The following INTS1 variants were observed in gnomAD, a reference collection of about 807,000 sequenced individuals.
INTS1 encodes integrator complex subunit 1.
In INTS1, 137 loss-of-function variants were observed where a neutral mutation model predicts 241.6. The observed-to-expected ratio is 0.57, with a 90% CI of 0.49 to 0.65. The LOEUF is 0.65. Among genes scored for constraint, INTS1 ranks in the 30% least tolerant of loss-of-function variants. The probability of loss-of-function intolerance (pLI) is 0.00; values close to 1 mark genes in which losing one functional copy is unlikely to be tolerated. For missense variants in INTS1, 3,073 were observed against 3,032.2 expected (o/e 1.01, Z -0.32); for synonymous variants, 1,692 against 1,337.8 (o/e 1.26, Z -5.78).
Position 1,476,388 on chromosome 7 carries a change from AGGAT to A in INTS1, c.5215_5218del (p.Ile1739TrpfsTer40). 6.3e-7 allele frequency: 1 copy of A among 1,577,920 alleles called. No individual in the cohort carries two copies. The highest frequency in any genetic ancestry group is 8.6e-7 in the Non-Finnish European group (1 of 1,167,232). ...CTGGCTCCGCGTCTCCGCCTCGGCC[AGGAT>A]CAGCTCCACCAGGCTGATGAGCTCC... is the stretch of plus-strand genomic sequence containing the variant. On this transcript the variant is annotated frameshift_variant, in exon 38 of 48. Coordinates refer to ENST00000404767, the MANE Select transcript of INTS1 (RefSeq NM_001080453.3). LOFTEE classifies it high-confidence loss of function.
chr7:1,486,434 T>C lies in INTS1; in HGVS notation c.2976+191A>G, dbSNP rs10281063. Among the ~76,000 whole-genome samples the C allele has an allele frequency of 2.5e-3, 387 of 151,910 alleles. 3 individuals carry two copies. Among genetic ancestry groups the C allele is most frequent in the African/African-American group, 8.8e-3 (365 of 41,382 alleles). ...CCCCTCCACCACGCCCAGCTAATTT[T>C]TTCTATTTTTAATAGAGACGGGATT... On this transcript the variant is annotated intron_variant, in intron 22 of 47. Transcript: ENST00000404767.
At chr7:1,474,130 T>G (rs759832208) in intron 41 of INTS1, 38 bp downstream of exon 41, 10 of 1,521,388 alleles carry the variant, frequency 6.6e-6, no homozygotes, top group Non-Finnish European at 7.9e-6. Context: ...GCAGAGGGAG[T>G]GGAAGGGAGC....
In INTS1 at chr7:1,482,498, G is replaced by A. The variant is rs115626042; in HGVS notation, c.3703+48C>T. ...CCCACAAGGAGCAGGCAAGGGGCCCGGGACCCCTGAGTCAGCAGCCCCTGC... is the reference window on the plus strand; with the variant it reads ...CCCACAAGGAGCAGGCAAGGGGCCCAGGACCCCTGAGTCAGCAGCCCCTGC... On this transcript the variant is annotated intron_variant, in intron 27 of 47. Coordinates refer to ENST00000404767, the MANE Select transcript of INTS1 (RefSeq NM_001080453.3). 10,543 of 1,546,210 alleles carry A rather than the reference G, an allele frequency of 6.8e-3. 561 individuals carry two copies. In the African/African-American group the frequency reaches 0.12, roughly 18 times the overall value.
In INTS1 at chr7:1,503,114, G is replaced by A; in HGVS notation, c.136C>T (p.Leu46=). ...GGCAGGCCGGAAGGGGCTGGCTTCA[G>A]CAGGGTGGACGCCGTTTTCGATTCA... The part of the protein sequence containing the change: ...ANESKTASTL[L]KPAPSGLPSE... Residue 46 remains leucine (L), a synonymous_variant, in exon 3 of 48, where the codon CTG becomes TTG. Coordinates refer to ENST00000404767, the MANE Select transcript of INTS1 (RefSeq NM_001080453.3). 1.9e-6 allele frequency: 3 copies of A among 1,605,398 alleles called. No homozygotes were observed. Among genetic ancestry groups the A allele is most frequent in the South Asian group, 2.2e-5 (2 of 90,764 alleles).
Position 1,493,704 on chromosome 7 carries a change from G to T in INTS1, c.2068+50C>A, listed in dbSNP as rs915016664. On this transcript the variant is annotated intron_variant, in intron 15 of 47. Coordinates refer to ENST00000404767, the MANE Select transcript of INTS1 (RefSeq NM_001080453.3). This position sits in a 1 kb window ranked among gnomAD's most constrained non-coding sequence, Gnocchi z 5.3. ...GTGCCAGAGCCGGGGTTTCTGCAGG[G>T]ACGAGGGGAGCAGACCCAGCACAGG... 3.3e-6 allele frequency: 5 copies of T among 1,524,724 alleles called. No homozygotes were observed. In the Admixed American group the frequency reaches 8.1e-5, roughly 25 times the overall value. 94.4% of individuals were successfully genotyped at this position (1,524,724 alleles called of 1,614,324 possible).
intron 16 of INTS1, among the ~76,000 whole-genome samples, chr7:1,490,779 A>G (rs1462472990): frequency 6.6e-6 from 1 of 152,248 alleles, no homozygotes; most frequent in Admixed American, 6.5e-5. Flanking sequence ...CAATCCTGGG[A>G]AAGAACAAAG....
At position 1,479,562 on chromosome 7, in the gene INTS1, C is replaced by G. The variant is rs769546935; in HGVS notation, c.4197G>C (p.Pro1399=). 1 of 1,550,624 alleles carries G rather than the reference C, an allele frequency of 6.4e-7. No individual in the cohort carries two copies. Among genetic ancestry groups the G allele is most frequent in the South Asian group, 1.2e-5 (1 of 84,190 alleles). ...CCTGCAGGACACGCACCGTGATGCCCGGCACCTCGGGGCTGCCCTGGACGA... is the reference window on the plus strand; with the variant it reads ...CCTGCAGGACACGCACCGTGATGCCGGGCACCTCGGGGCTGCCCTGGACGA... ...ARVVQGSPEV[P]GITVRVLQAL... is the part of the protein sequence containing the mutation. Residue 1399 remains proline (P), a synonymous_variant, in exon 31 of 48, where the codon CCG becomes CCC. Coordinates refer to ENST00000404767, the MANE Select transcript of INTS1 (RefSeq NM_001080453.3).
In INTS1 at chr7:1,493,215, C is replaced by A; in HGVS notation, c.2069-109G>T. ...CCGCGTCGGGGTGGGGTGGGGGATG[C>A]CGCAGGGTGGGGCGCAGGCCTGAGC... On this transcript the variant is annotated intron_variant, in intron 15 of 47. Coordinates refer to ENST00000404767, the MANE Select transcript of INTS1 (RefSeq NM_001080453.3). The surrounding 1 kb of genome is among the most constrained non-coding windows in gnomAD (Gnocchi z 5.3). 1 of 750,318 alleles carries A rather than the reference C, an allele frequency of 1.3e-6. No homozygotes were observed. Among genetic ancestry groups the A allele is most frequent in the South Asian group, 1.6e-5 (1 of 61,106 alleles). The allele number at this position is 750,318 out of a possible 1,614,324, so 46.5% of individuals were successfully genotyped here. A position where few individuals can be genotyped will look rare whatever the true frequency, so the allele number is the denominator to read the frequency against.
chr7:1,480,621 ACT>A (rs1412461760), intron 29 of INTS1, among the ~76,000 whole-genome samples, 180 bp from the exon 30 acceptor site: 5 of 152,000 alleles, frequency 3.3e-5, no homozygotes, highest in Admixed American at 1.3e-4. Flanking sequence ...GGATCTCAAG[ACT>A]CTGAACAGGA....
rs985756363 is a variant in INTS1, at chr7:1,487,829, G to A, written c.2447C>T (p.Ala816Val). The A allele has an allele frequency of 1.2e-6, 2 of 1,613,066 alleles. No individual in the cohort carries two copies. The highest frequency in any genetic ancestry group is 1.1e-5 in the South Asian group (1 of 91,084). ...CTCAGTGATGGTCTGCTTGGTGGAC[G>A]CGGCCGCCAGGTGCCCCTCGAAGGC... The part of the protein sequence containing the change: ...ILAFEGHLAA[A>V]STKQTITESS... Residue 816 changes from alanine (A) to valine (V), a missense_variant, in exon 19 of 48, where the codon GCG becomes GTG. Ala to Val is a moderately conservative substitution (Grantham distance 64). Transcript: ENST00000404767.
chr7:1,494,554 G>A, intron 14 of INTS1: 1 of 555,486 alleles, frequency 1.8e-6, no homozygotes, highest in Non-Finnish European at 3.2e-6. Context: ...GCAACTGGAA[G>A]GCGGGGGTCC....
intron 16 of INTS1, among the ~76,000 whole-genome samples, chr7:1,489,954 A>C (rs1355911994): frequency 1.4e-4 from 21 of 152,332 alleles, no homozygotes; most frequent in African/African-American, 5.1e-4. Flanking sequence ...ACGTTCATTA[A>C]GTGACAATGA....
Position 1,478,824 on chromosome 7 carries a change from A to G in INTS1, c.4391T>C (p.Leu1464Pro). 6.2e-7 allele frequency: 1 copy of G among 1,610,176 alleles called. No individual in the cohort carries two copies. The highest frequency in any genetic ancestry group is 8.5e-7 in the Non-Finnish European group (1 of 1,178,730). ...SLFLKVLLQM[L>P]QWLDSPGVEG... ...CACGCCAGGGCTGTCCAGCCACTGC[A>G]GCATCTGCAGGAGCACCTTCAGGAA... Residue 1464 changes from leucine (L) to proline (P), a missense_variant, in exon 32 of 48, where the codon CTG becomes CCG. By Grantham distance (98) the Leu-to-Pro change is moderately conservative (BLOSUM62 -3). Transcript: ENST00000404767.
At chr7:1,482,011 G>A (rs763726539) in intron 27 of INTS1, among the ~76,000 whole-genome samples, 8 of 152,114 alleles carry the variant, frequency 5.3e-5, no homozygotes, top group Non-Finnish European at 1.0e-4. Flanking sequence ...CGAAGCCATC[G>A]GTGGCTTCCG....
Position 1,474,329 on chromosome 7 carries a change from C to G in INTS1, c.5668G>C (p.Gly1890Arg). 6.2e-7 allele frequency: 1 copy of G among 1,604,128 alleles called. No homozygotes were observed. Among genetic ancestry groups the G allele is most frequent in the African/African-American group, 1.3e-5 (1 of 74,682 alleles). ...TCCTGGAAGTTGAGGTGGGTGCGGC[C>G]GTGCAGGAGCGCCGCGATCATGGGC... Reference protein sequence around the residue: ...HLPMIAALLHGRTHLNFQEFR... With the variant: ...HLPMIAALLHRRTHLNFQEFR... The change falls in exon 41 of 48, where the codon GGC becomes CGC. Residue 1890 changes from glycine to arginine, a missense_variant. By Grantham distance (125) the Gly-to-Arg change is moderately radical. Transcript: ENST00000404767.
At chr7:1,483,162 C>T (rs893991261) in intron 26 of INTS1, 1 of 211,930 alleles carries the variant, frequency 4.7e-6, no homozygotes. Flanking sequence ...CCACGTCCAC[C>T]CGAACCCCAG....
At position 1,487,934 on chromosome 7, in the gene INTS1, G is replaced by A. The variant is rs1272291307; in HGVS notation, c.2342C>T (p.Thr781Ile). 6.2e-7 allele frequency: 1 copy of A among 1,613,374 alleles called. No homozygotes were observed. Among genetic ancestry groups the A allele is most frequent in the Non-Finnish European group, 8.5e-7 (1 of 1,179,838 alleles). The change falls in exon 19 of 48, where the codon ACC (threonine) becomes ATC (isoleucine). Residue 781 changes from threonine (T) to isoleucine (I), a missense_variant. Coordinates refer to ENST00000404767, the MANE Select transcript of INTS1 (RefSeq NM_001080453.3). ...CGTCCGGGTCTCCTCATCCGTCAGG[G>A]TGCACGGTGGGTAGGAGTAGTTGCT... Reference protein sequence around the residue: ...MTNNYSYPPCTLTDEETRTEM... With the variant: ...MTNNYSYPPCILTDEETRTEM...
rs780269891 is a variant in INTS1, at chr7:1,494,890, C to T, written c.1836G>A (p.Leu612=). ...KLAPKDYVHC[L]HKVLFTEQPE... is the part of the protein sequence containing the mutation. ...GCTGCTCTGTGAACAGCACCTTGTGCAGGCTGGGCAGGCAGAGAAGAGCCC... is the reference window on the plus strand; with the variant it reads ...GCTGCTCTGTGAACAGCACCTTGTGTAGGCTGGGCAGGCAGAGAAGAGCCC... Residue 612 remains leucine, a synonymous_variant, in exon 14 of 48, where the codon CTG becomes CTA. Coordinates refer to ENST00000404767, the MANE Select transcript of INTS1 (RefSeq NM_001080453.3). 6.4e-6 allele frequency: 10 copies of T among 1,558,276 alleles called. No homozygotes were observed. Among genetic ancestry groups the T allele is most frequent in the East Asian group, 2.4e-5 (1 of 41,396 alleles).
chr7:1,477,562 G>A lies in INTS1; in HGVS notation c.4926C>T (p.Phe1642=), dbSNP rs1054548132. ...GGGTGCCACCCACCTTCCTCCGGGA[G>A]AAGAGCAGCCTGAGCTGCAGGTCGG... ...SCPDLQLRLL[F]SRRKGKGQAQ... The change falls in exon 35 of 48, where the codon TTC becomes TTT. Residue 1642 remains phenylalanine, a synonymous_variant. Transcript: ENST00000404767. The A allele has an allele frequency of 5.9e-6, 9 of 1,526,494 alleles. No homozygotes were observed. In the African/African-American group the frequency reaches 8.3e-5, roughly 14 times the overall value. The allele number at this position is 1,526,494 out of a possible 1,614,324, so 94.6% of individuals were successfully genotyped here. A position where few individuals can be genotyped will look rare whatever the true frequency, so the allele number is the denominator to read the frequency against.
Sources: allele counts gnomAD v4.1 joint callset (sites outside exome capture counted in the v4.1 genomes callset), GRCh38; gene constraint gnomAD v4.1.1; non-coding constraint Gnocchi (gnomAD v3.1); transcripts MANE v1.5; gene names NCBI Gene and HGNC (gene_info 2026-07-23, HGNC 2026-07-21).